Variants in GTF2IRD1 observed in about 807,000 individuals in gnomAD.
The protein encoded by GTF2IRD1 is general transcription factor II-I repeat domain-containing protein 1.
GTF2IRD1 carries 26 observed loss-of-function variants against 113.2 expected under a neutral mutation model. That is an observed-to-expected ratio of 0.23 (90% CI 0.17 to 0.32). The LOEUF (loss-of-function observed/expected upper bound fraction) is 0.32, where lower values mean the gene tolerates loss of function less well. Ranked by LOEUF, GTF2IRD1 falls within the 10% of genes least tolerant of loss-of-function variation. The pLI is 1.00. For missense variants in GTF2IRD1, 864 were observed against 1,280.8 expected (o/e 0.67, Z 4.97); for synonymous variants, 484 against 529.1 (o/e 0.91, Z 1.17).
chr7:74,501,290 G>A (rs1796015109), intron 1 of GTF2IRD1, among the ~76,000 whole-genome samples: 1 of 152,208 alleles, frequency 6.6e-6, no homozygotes, highest in Non-Finnish European at 1.5e-5. Context: ...TGGGGTGATG[G>A]GAACCCGGAT....
chr7:74,534,326 G>A (rs139147323), intron 9 of GTF2IRD1, among the ~76,000 whole-genome samples: 179 of 152,350 alleles, frequency 1.2e-3, no homozygotes, highest in African/African-American at 4.0e-3. Flanking sequence ...GATAGGCTGG[G>A]TGCCGTGGGT....
chr7:74,536,579 G>C (rs1330256208), intron 11 of GTF2IRD1, among the ~76,000 whole-genome samples: 4 of 152,090 alleles, frequency 2.6e-5, no homozygotes, highest in South Asian at 2.1e-4. Context: ...AGGCCGAGGC[G>C]GGCGGATCTC....
At chr7:74,538,486 C>T (rs587627748) in intron 12 of GTF2IRD1, among the ~76,000 whole-genome samples, 194 bp from the exon 13 acceptor site, 3 of 152,312 alleles carry the variant, frequency 2.0e-5, no homozygotes, top group African/African-American at 4.8e-5. Flanking sequence ...GTCTGTAAAT[C>T]GGAGCCCCTA....
chr7:74,569,166 C>G (rs587730055), intron 22 of GTF2IRD1, among the ~76,000 whole-genome samples: 24 of 152,316 alleles, frequency 1.6e-4, no homozygotes, highest in Non-Finnish European at 3.1e-4. Context: ...AAAGCTCCCC[C>G]TCCCTGAGGA....
chr7:74,501,055 A>G (rs1554339338), intron 1 of GTF2IRD1, among the ~76,000 whole-genome samples: 1 of 152,100 alleles, frequency 6.6e-6, no homozygotes, highest in African/African-American at 2.4e-5. Flanking sequence ...TGGGGAGAAG[A>G]GGAGGGGAGG....
chr7:74,546,455 T>C (rs12533450), intron 16 of GTF2IRD1, among the ~76,000 whole-genome samples: 41,862 of 151,746 alleles, frequency 0.28, 5,985 homozygotes, highest in East Asian at 0.48. Context: ...CTCCTGACCT[T>C]AAGCGATCTA....
chr7:74,592,918 C>T (rs1371438784), intron 24 of GTF2IRD1, among the ~76,000 whole-genome samples: 5 of 151,892 alleles, frequency 3.3e-5, no homozygotes, highest in Admixed American at 2.0e-4. Context: ...AGTGCAGTGC[C>T]GTCATCTTGG....
chr7:74,513,759 C>T (rs1402417880), intron 3 of GTF2IRD1, among the ~76,000 whole-genome samples: 1 of 152,146 alleles, frequency 6.6e-6, no homozygotes, highest in Non-Finnish European at 1.5e-5. Context: ...TGTCTGTAGT[C>T]CTAGCACTTC....
chr7:74,519,343 G>C lies in GTF2IRD1; in HGVS notation c.606-66G>C, dbSNP rs587710154. 6 of 1,181,730 alleles carry C rather than the reference G, an allele frequency of 5.1e-6. No homozygotes were observed. In the Admixed American group the frequency reaches 7.9e-5, roughly 16 times the overall value. The allele number at this position is 1,181,730 out of a possible 1,614,324, so 73.2% of individuals were successfully genotyped here. A position where few individuals can be genotyped will look rare whatever the true frequency, so the allele number is the denominator to read the frequency against. On this transcript the variant is annotated intron_variant, in intron 5 of 26. Transcript: ENST00000424337. ...CAGAGGGCAGGGATGCGGGGTTTTC[G>C]GGGGAAGAGCTGCAATGTGTGAAAC...
chr7:74,482,168 G>C (rs977531537), intron 1 of GTF2IRD1, among the ~76,000 whole-genome samples: 13 of 148,356 alleles, frequency 8.8e-5, no homozygotes, highest in Middle Eastern at 3.5e-3. Context: ...CTGTTTGTTT[G>C]TTTGTTTTTT....
rs543403547 is a variant in GTF2IRD1, at chr7:74,501,483, A to C, written c.-6-6592A>C. Among the ~76,000 whole-genome samples the C allele has an allele frequency of 2.6e-5, 4 of 152,142 alleles. No individual in the cohort carries two copies. In the East Asian group the frequency reaches 7.7e-4, roughly 29 times the overall value. On this transcript the variant is annotated intron_variant, in intron 1 of 26. Transcript: ENST00000424337. The stretch of plus-strand genomic sequence containing the variant: ...CCGGAGGGGGCGGTCCTTGAGCTCT[A>C]CTGAGCCCATGCCAGCGAGAGTCGT...
intron 1 of GTF2IRD1, among the ~76,000 whole-genome samples, chr7:74,503,919 T>C (rs1796165088): frequency 1.3e-5 from 2 of 152,270 alleles, no homozygotes; most frequent in African/African-American, 2.4e-5. Flanking sequence ...CCTCTCTCCC[T>C]GCTTTTGGAG....
intron 3 of GTF2IRD1, among the ~76,000 whole-genome samples, chr7:74,513,539 A>C (rs1554343659): frequency 6.6e-6 from 1 of 152,150 alleles, no homozygotes; most frequent in Admixed American, 6.5e-5. Context: ...TCCTGACCTC[A>C]GGTGACCCGC....
At chr7:74,517,529 C>T (rs1562825920) in intron 4 of GTF2IRD1, among the ~76,000 whole-genome samples, 1 of 148,496 alleles carries the variant, frequency 6.7e-6, no homozygotes, top group African/African-American at 2.5e-5. Context: ...AAGCGATTCT[C>T]CTGCCTCAGC....
intron 1 of GTF2IRD1, among the ~76,000 whole-genome samples, chr7:74,482,223 CTTT>C (rs5884948): frequency 0.042 from 4,482 of 107,762 alleles, 157 homozygotes; most frequent in African/African-American, 0.16. Context: ...TCTCCTAAAA[CTTT>C]TTTTTTTTTT....
chr7:74,519,457 C>A lies in GTF2IRD1; in HGVS notation c.654C>A (p.Asn218Lys), dbSNP rs144286165. 1 of 1,578,222 alleles carries A rather than the reference C, an allele frequency of 6.3e-7. No homozygotes were observed. Among genetic ancestry groups the A allele is most frequent in the East Asian group, 2.3e-5 (1 of 44,246 alleles). ...GRDSKALVELNGVSLIPKGSR... is the reference protein window; with the variant it reads ...GRDSKALVELKGVSLIPKGSR... ...ACTCGAAGGCCCTGGTGGAGCTGAA[C>A]GGTGTCTCCCTGATTCCCAAGGGGT... Residue 218 changes from asparagine (N) to lysine (K), a missense_variant, in exon 6 of 27, where the codon AAC becomes AAA. This residue lies in a region of GTF2IRD1 where 195 missense variants were observed against 196.6 expected (regional missense o/e 0.99). Coordinates refer to ENST00000424337, the MANE Select transcript of GTF2IRD1 (RefSeq NM_005685.4).
At chr7:74,462,197 G>T (rs782028565) in intron 1 of GTF2IRD1, among the ~76,000 whole-genome samples, 5 of 151,574 alleles carry the variant, frequency 3.3e-5, no homozygotes, top group Non-Finnish European at 7.4e-5. Flanking sequence ...AACATAGCAA[G>T]ACCCCGTCTC....
intron 8 of GTF2IRD1, among the ~76,000 whole-genome samples, chr7:74,525,838 T>G (rs587680560): frequency 8.6e-5 from 13 of 151,428 alleles, no homozygotes; most frequent in African/African-American, 2.7e-4. Flanking sequence ...GAAGAAACAG[T>G]CTCAATAGGC....
rs182739057 is a variant in GTF2IRD1, at chr7:74,560,455, T to C, written c.2320+800T>C. ...CCTTTTTAAAAAAATATTTTATATA[T>C]ATAATAAAATATATACATAATAAAA... On this transcript the variant is annotated intron_variant, in intron 22 of 26. Coordinates refer to ENST00000424337, the MANE Select transcript of GTF2IRD1 (RefSeq NM_005685.4). Among the ~76,000 whole-genome samples, 434 of 147,202 alleles carry C rather than the reference T, an allele frequency of 2.9e-3. 2 individuals are homozygous for C. The highest frequency in any genetic ancestry group is 0.01 in the African/African-American group (416 of 40,640).
Sources: allele counts gnomAD v4.1 joint callset (sites outside exome capture counted in the v4.1 genomes callset), GRCh38; gene constraint gnomAD v4.1.1; regional missense constraint gnomAD v4.1.1; transcripts MANE v1.5; gene names NCBI Gene and HGNC (gene_info 2026-07-23, HGNC 2026-07-21).